Variants in MGAT4A observed in about 807,000 individuals in gnomAD.
MGAT4A encodes the protein N-acetylglucosaminyltransferase IVa.
Under a neutral mutation model 74.1 loss-of-function variants are expected in MGAT4A, and 33 were observed. That is an observed-to-expected ratio of 0.45 (90% CI 0.34 to 0.60). The LOEUF (loss-of-function observed/expected upper bound fraction) is 0.60, where lower values mean the gene tolerates loss of function less well. Ranked by LOEUF, MGAT4A falls within the 20% of genes least tolerant of loss-of-function variation. The pLI is 0.02. For synonymous variants in MGAT4A, 198 were observed against 210.4 expected (o/e 0.94, Z 0.51); for missense variants, 479 against 628.3 (o/e 0.76, Z 2.54).
chr2:98,662,599 T>C (rs886112825), intron 5 of MGAT4A, among the ~76,000 whole-genome samples: 1 of 147,398 alleles, frequency 6.8e-6, no homozygotes, highest in Non-Finnish European at 1.5e-5. Flanking sequence ...AGATTTATTC[T>C]TTCTCTAAAT....
At position 98,680,040 on chromosome 2, in the gene MGAT4A, C is replaced by CTTTT. The variant is rs778595164; in HGVS notation, c.95-1573_95-1570dup. 4.8e-3 allele frequency among the ~76,000 whole-genome samples: 623 copies of CTTTT among 131,024 alleles called. 16 individuals carry two copies. Among genetic ancestry groups the CTTTT allele is most frequent in the African/African-American group, 0.016 (577 of 35,392 alleles). 86.0% of individuals were successfully genotyped at this position (131,024 alleles called of 152,430 possible). A position where few individuals can be genotyped will look rare whatever the true frequency, so the allele number is the denominator to read the frequency against. ...GACACCTAAACAAACCTTAGAAAGGCTTTTTTTTTTTTTTTTCTGAGACAG... is the reference window on the plus strand; with the variant it reads ...GACACCTAAACAAACCTTAGAAAGGCTTTTTTTTTTTTTTTTTTTTCTGAGACAG... On this transcript the variant is annotated intron_variant, in intron 2 of 15. Coordinates refer to ENST00000393487, the MANE Select transcript of MGAT4A (RefSeq NM_012214.3).
intron 3 of MGAT4A, among the ~76,000 whole-genome samples, chr2:98,677,801 A>ATT (rs70940122): frequency 0.054 from 6,571 of 121,216 alleles, 226 homozygotes; most frequent in Middle Eastern, 0.083. Context: ...CAGGTAATAA[A>ATT]TTTTTTTTTT....
chr2:98,678,429 T>C lies in MGAT4A; in HGVS notation c.137A>G (p.Glu46Gly), dbSNP rs367728285. The C allele has an allele frequency of 6.3e-6, 10 of 1,588,580 alleles. No individual in the cohort carries two copies. The highest frequency in any genetic ancestry group is 8.6e-6 in the Non-Finnish European group (10 of 1,163,396). Residue 46 changes from glutamate (E) to glycine (G), a missense_variant, in exon 3 of 16, where the codon GAA becomes GGA. This residue lies in a region of MGAT4A where 205 missense variants were observed against 232.7 expected (regional missense o/e 0.88). Transcript: ENST00000393487. ...AYQREFLALK[E>G]RLRIAEHRIS... Reference sequence around the variant, plus strand: ...TCTGTGTTCAGCTATTCGAAGACGTTCTTTCAAAGCAAGGAATTCTCGTTG... The same window carrying C: ...TCTGTGTTCAGCTATTCGAAGACGTCCTTTCAAAGCAAGGAATTCTCGTTG...
Position 98,695,032 on chromosome 2 carries a change from C to CTT in MGAT4A, c.95-16563_95-16562dup, listed in dbSNP as rs551595704. On this transcript the variant is annotated intron_variant, in intron 2 of 15. Transcript: ENST00000393487. The stretch of plus-strand genomic sequence containing the variant: ...CTCACCTGCCCACTGGCTAAAATGG[C>CTT]TTTTTTTTTTTTTTTTTTTTTTGAG... 474 of 93,366 alleles carry CTT rather than the reference C, an allele frequency of 5.1e-3. 1 individual carries two copies. The highest frequency in any genetic ancestry group is 6.2e-3 in the African/African-American group (155 of 24,906). 5.8% of individuals were successfully genotyped at this position (93,366 alleles called of 1,614,324 possible). A position where few individuals can be genotyped will look rare whatever the true frequency, so the allele number is the denominator to read the frequency against.
intron 2 of MGAT4A, among the ~76,000 whole-genome samples, chr2:98,696,797 C>T (rs551312931): frequency 1.3e-5 from 2 of 152,202 alleles, no homozygotes; most frequent in Admixed American, 1.3e-4. Context: ...AAAATAAAAT[C>T]TCATTTTATA....
At position 98,635,963 on chromosome 2, in the gene MGAT4A, G is replaced by A. The variant is rs866259538; in HGVS notation, c.1401+554C>T. Among the ~76,000 whole-genome samples, 22 of 148,776 alleles carry A rather than the reference G, an allele frequency of 1.5e-4. 1 individual carries two copies. Among genetic ancestry groups the A allele is most frequent in the Non-Finnish European group, 2.7e-4 (18 of 67,578 alleles). ...AGATCGCACCACTGCACTCCAGCCA[G>A]TGACAGAGCGAGACTCTGTCTCAAA... is the stretch of plus-strand genomic sequence containing the variant. On this transcript the variant is annotated intron_variant, in intron 13 of 15. Transcript: ENST00000393487.
intron 6 of MGAT4A, 57 bp downstream of exon 6, chr2:98,658,161 A>T: frequency 9.0e-7 from 1 of 1,116,524 alleles, no homozygotes; most frequent in Non-Finnish European, 1.3e-6. Flanking sequence ...TTAGCAAGAA[A>T]CCCAAGAGAT....
At position 98,630,272 on chromosome 2, in the gene MGAT4A, G is replaced by A. The variant is rs80141718; in HGVS notation, c.1469-4437C>T. On this transcript the variant is annotated intron_variant, in intron 14 of 15. Coordinates refer to ENST00000393487, the MANE Select transcript of MGAT4A (RefSeq NM_012214.3). Reference sequence around the variant, plus strand: ...ATAGAGGAGTGAAAAAGAATGAGTCGTAAACACACACACTCACGTGGATGA... The same window carrying A: ...ATAGAGGAGTGAAAAAGAATGAGTCATAAACACACACACTCACGTGGATGA... 4.8e-3 allele frequency among the ~76,000 whole-genome samples: 730 copies of A among 152,230 alleles called. 4 individuals carry two copies. Among genetic ancestry groups the A allele is most frequent in the Middle Eastern group, 0.024 (7 of 292 alleles).
At position 98,623,707 on chromosome 2, in the gene MGAT4A, A is replaced by T; in HGVS notation, c.*1859T>A. On this transcript the variant is annotated 3_prime_UTR_variant, in exon 16 of 16. Coordinates refer to ENST00000393487, the MANE Select transcript of MGAT4A (RefSeq NM_012214.3). ...TTTTCAATCAAGAAAAGTAACTAAAAATTATAACAACATGGAGTGATGGAA... is the reference window on the plus strand; with the variant it reads ...TTTTCAATCAAGAAAAGTAACTAAATATTATAACAACATGGAGTGATGGAA... The T allele has an allele frequency of 2.0e-6, 2 of 985,450 alleles. No homozygotes were observed. Among genetic ancestry groups the T allele is most frequent in the Non-Finnish European group, 2.4e-6 (2 of 829,928 alleles). The allele number at this position is 985,450 out of a possible 1,614,324, so 61.0% of individuals were successfully genotyped here.
At chr2:98,651,002 T>C (rs988188453) in intron 8 of MGAT4A, among the ~76,000 whole-genome samples, 8 of 148,742 alleles carry the variant, frequency 5.4e-5, no homozygotes, top group South Asian at 2.2e-4. Flanking sequence ...AAGGTGGAGG[T>C]TGCAGTGAGC....
chr2:98,623,011 C>T lies in MGAT4A; in HGVS notation c.*2555G>A. 4.1e-6 allele frequency: 4 copies of T among 984,582 alleles called. No individual in the cohort carries two copies. The highest frequency in any genetic ancestry group is 4.8e-6 in the Non-Finnish European group (4 of 829,214). The allele number at this position is 984,582 out of a possible 1,614,324, so 61.0% of individuals were successfully genotyped here. Reference sequence around the variant, plus strand: ...CCAGCCTGGGCAACAAAGCGAGACCCTGTCTCAAAAATAATACAAAATGAT... The same window carrying T: ...CCAGCCTGGGCAACAAAGCGAGACCTTGTCTCAAAAATAATACAAAATGAT... On this transcript the variant is annotated 3_prime_UTR_variant, in exon 16 of 16. Transcript: ENST00000393487.
At position 98,731,047 on chromosome 2, in the gene MGAT4A, C is replaced by T. The variant is rs1702849090; in HGVS notation, c.-236+1G>A. On this transcript the variant is annotated splice_donor_variant, in intron 1 of 15. Transcript: ENST00000393487. LOFTEE classifies it low-confidence loss of function (5UTR_SPLICE). The surrounding 1 kb of genome is among the most constrained non-coding windows in gnomAD (Gnocchi z 4.8). Reference sequence around the variant, plus strand: ...CGCCGCTGCCGCCGCGAGCCCCTCACCCGCCGCTGGCGTCGCCGTGCTCCC... The same window carrying T: ...CGCCGCTGCCGCCGCGAGCCCCTCATCCGCCGCTGGCGTCGCCGTGCTCCC... 1 of 137,148 alleles carries T rather than the reference C, an allele frequency of 7.3e-6. No individual in the cohort carries two copies. The allele number at this position is 137,148 out of a possible 1,614,324, so 8.5% of individuals were successfully genotyped here. A position where few individuals can be genotyped will look rare whatever the true frequency, so the allele number is the denominator to read the frequency against.
chr2:98,706,910 C>T (rs907712879), intron 2 of MGAT4A, among the ~76,000 whole-genome samples: 2 of 148,786 alleles, frequency 1.3e-5, no homozygotes, highest in African/African-American at 5.0e-5. Flanking sequence ...AAAAAAAAGA[C>T]TAGAAGTAAA....
intron 2 of MGAT4A, 29 bp downstream of exon 2, chr2:98,726,210 A>C: frequency 6.3e-7 from 1 of 1,586,990 alleles, no homozygotes; most frequent in Non-Finnish European, 8.6e-7. Flanking sequence ...AGTACATTTC[A>C]TGCACATTTT....
rs561954418 is a variant in MGAT4A, at chr2:98,716,660, T to C, written c.94+9579A>G. The stretch of plus-strand genomic sequence containing the variant: ...GGACATAACATCAACATCATTTCTG[T>C]GGTATTCTTGCCAAAAATGCATTAG... On this transcript the variant is annotated intron_variant, in intron 2 of 15. Transcript: ENST00000393487. Among the ~76,000 whole-genome samples the C allele has an allele frequency of 2.0e-5, 3 of 152,302 alleles. No individual in the cohort carries two copies. The East Asian group carries it at 5.8e-4, about 29-fold the overall frequency.
At chr2:98,698,824 A>C (rs532089506) in intron 2 of MGAT4A, among the ~76,000 whole-genome samples, 26 of 152,290 alleles carry the variant, frequency 1.7e-4, no homozygotes, top group African/African-American at 6.3e-4. Flanking sequence ...GCATCCTTCA[A>C]AATACTCTTT....
chr2:98,718,087 A>G (rs1702616155), intron 2 of MGAT4A, among the ~76,000 whole-genome samples: 1 of 152,220 alleles, frequency 6.6e-6, no homozygotes, highest in Admixed American at 6.5e-5. Flanking sequence ...TATGAATCTG[A>G]TCTTTTCTTG....
intron 5 of MGAT4A, among the ~76,000 whole-genome samples, chr2:98,660,946 A>C (rs1026292353): frequency 3.9e-5 from 6 of 152,222 alleles, no homozygotes; most frequent in African/African-American, 1.4e-4. Flanking sequence ...ACTCTTCTAC[A>C]TGGCAAAGGA....
chr2:98,719,869 A>G (rs1303876599), intron 2 of MGAT4A, among the ~76,000 whole-genome samples: 1 of 151,954 alleles, frequency 6.6e-6, no homozygotes, highest in African/African-American at 2.4e-5. Flanking sequence ...CTGGTCTCGA[A>G]CTCCTGACCT....
Sources: allele counts gnomAD v4.1 joint callset (sites outside exome capture counted in the v4.1 genomes callset), GRCh38; gene constraint gnomAD v4.1.1; regional missense constraint gnomAD v4.1.1; non-coding constraint Gnocchi (gnomAD v3.1); transcripts MANE v1.5; gene names NCBI Gene and HGNC (gene_info 2026-07-23, HGNC 2026-07-21).